Variants in MLLT3 observed in about 807,000 individuals in gnomAD.
MLLT3 encodes the protein MLLT3 super elongation complex subunit.
A neutral mutation model predicts 53.2 loss-of-function variants in MLLT3; 4 were observed. The ratio of observed to expected loss-of-function variants is 0.08; its 90% CI spans 0.04 to 0.17. MLLT3 has a LOEUF of 0.17. Ranked by LOEUF, MLLT3 falls within the 10% of genes least tolerant of loss-of-function variation. MLLT3 has a pLI of 1.00. For missense variants in MLLT3, 569 were observed against 684.0 expected, an observed-to-expected ratio of 0.83 and a Z score of 1.87; for synonymous variants, 283 against 230.6, an observed-to-expected ratio of 1.23 and a Z score of -2.06.
intron 2 of MLLT3, among the ~76,000 whole-genome samples, chr9:20,558,937 A>C (rs1819131368): frequency 6.6e-6 from 1 of 152,190 alleles, no homozygotes; most frequent in African/African-American, 2.4e-5. Flanking sequence ...TAGCTTAGTC[A>C]CAGTCCTGGT....
chr9:20,344,901 T>C lies in MLLT3; in HGVS notation c.*1542A>G, dbSNP rs193233706. On this transcript the variant is annotated 3_prime_UTR_variant, in exon 11 of 11. Coordinates refer to ENST00000380338, the MANE Select transcript of MLLT3 (RefSeq NM_004529.4). ...TGGTCTATTAGCACACATAGAGACT[T>C]TCTTAAGGCTGATCCAGTGACGAAC... The C allele has an allele frequency of 4.7e-6, 1 of 212,668 alleles. No homozygotes were observed. Among genetic ancestry groups the C allele is most frequent in the Non-Finnish European group, 9.5e-6 (1 of 105,182 alleles). 13.2% of individuals were successfully genotyped at this position (212,668 alleles called of 1,614,324 possible). A position where few individuals can be genotyped will look rare whatever the true frequency, so the allele number is the denominator to read the frequency against.
intron 2 of MLLT3, among the ~76,000 whole-genome samples, chr9:20,495,584 C>T (rs1167863530): frequency 2.0e-5 from 3 of 152,098 alleles, no homozygotes; most frequent in Non-Finnish European, 4.4e-5. Context: ...ATGCTCAGTG[C>T]CTATTAACAG....
chr9:20,602,534 T>C (rs946535253), intron 2 of MLLT3, among the ~76,000 whole-genome samples: 3 of 152,106 alleles, frequency 2.0e-5, no homozygotes, highest in African/African-American at 7.2e-5. Context: ...GATGGGCACA[T>C]AGACACACAA....
intron 2 of MLLT3, among the ~76,000 whole-genome samples, chr9:20,467,474 A>G (rs1307798399): frequency 1.3e-5 from 2 of 152,310 alleles, no homozygotes; most frequent in East Asian, 3.9e-4. Flanking sequence ...GCTACTCAGG[A>G]GGCTGACGCA....
At chr9:20,352,237 C>G (rs1821046044) in intron 10 of MLLT3, among the ~76,000 whole-genome samples, 1 of 152,192 alleles carries the variant, frequency 6.6e-6, no homozygotes, top group Non-Finnish European at 1.5e-5. Context: ...TCTGTCCCAC[C>G]CTCCTATGAG....
chr9:20,505,688 A>G (rs906041653), intron 2 of MLLT3, among the ~76,000 whole-genome samples: 1 of 152,204 alleles, frequency 6.6e-6, no homozygotes, highest in African/African-American at 2.4e-5. Context: ...GACTATCGTG[A>G]CACACATTTG....
At chr9:20,417,403 T>C (rs1822898492) in intron 4 of MLLT3, among the ~76,000 whole-genome samples, 1 of 148,214 alleles carries the variant, frequency 6.7e-6, no homozygotes, top group Non-Finnish European at 1.5e-5. Flanking sequence ...CTGATATATA[T>C]ATATAATATA....
chr9:20,449,419 T>C (rs1176953634), intron 3 of MLLT3, among the ~76,000 whole-genome samples: 1 of 152,192 alleles, frequency 6.6e-6, no homozygotes, highest in Non-Finnish European at 1.5e-5. Context: ...CTCAAGCTGT[T>C]ACTTAAGTTG....
At chr9:20,353,477 C>CA (rs1184177331) in intron 10 of MLLT3, 48 bp downstream of exon 10, 4 of 1,544,188 alleles carry the variant, frequency 2.6e-6, no homozygotes, top group Non-Finnish European at 3.6e-6. Context: ...CAGGACAAAC[C>CA]AAGTCTTGAA....
At chr9:20,358,396 G>C (rs979628608) in intron 8 of MLLT3, among the ~76,000 whole-genome samples, 1 of 152,150 alleles carries the variant, frequency 6.6e-6, no homozygotes, top group Non-Finnish European at 1.5e-5. Flanking sequence ...CAGTATTATT[G>C]GCAGACTGAT....
At chr9:20,379,380 T>G (rs1175058010) in intron 5 of MLLT3, among the ~76,000 whole-genome samples, 1 of 152,060 alleles carries the variant, frequency 6.6e-6, no homozygotes, top group Non-Finnish European at 1.5e-5. Flanking sequence ...ACACAGAATT[T>G]AGATTGTCCC....
chr9:20,531,948 G>A (rs969691856), intron 2 of MLLT3, among the ~76,000 whole-genome samples: 1 of 151,642 alleles, frequency 6.6e-6, no homozygotes, highest in African/African-American at 2.4e-5. Context: ...TTTCATTTTA[G>A]TTTAGACTAA....
At chr9:20,348,640 A>G (rs116978573) in intron 10 of MLLT3, among the ~76,000 whole-genome samples, 231 of 152,344 alleles carry the variant, frequency 1.5e-3, no homozygotes, top group Non-Finnish European at 2.6e-3. Context: ...TTAAACCACT[A>G]GACTCAAGGT....
chr9:20,447,016 G>A (rs910013607), intron 4 of MLLT3, among the ~76,000 whole-genome samples: 2 of 152,102 alleles, frequency 1.3e-5, no homozygotes, highest in South Asian at 4.1e-4. Context: ...CATAATTCAA[G>A]TAAAAGGACA....
At position 20,372,705 on chromosome 9, in the gene MLLT3, G is replaced by C. The variant is rs564918123; in HGVS notation, c.1126-6961C>G. On this transcript the variant is annotated intron_variant, in intron 5 of 10. Transcript: ENST00000380338. ...TTACAGGCATGAGCCACCACGCCTG[G>C]CCTGCATTGTCTTATTTTCAAAAAT... Among the ~76,000 whole-genome samples, 19 of 151,882 alleles carry C rather than the reference G, an allele frequency of 1.3e-4. 1 individual carries two copies. In the East Asian group the frequency reaches 3.7e-3, roughly 29 times the overall value.
At position 20,621,646 on chromosome 9, in the gene MLLT3, G is replaced by C; in HGVS notation, c.12+599C>G. On this transcript the variant is annotated intron_variant, in intron 1 of 10. Transcript: ENST00000380338. The surrounding 1 kb of genome is among the most constrained non-coding windows in gnomAD (Gnocchi z 7.0). ...ATGAAATTCAGAAAGGCAGGGCGGCGGGCGGACAGCCGCCGAGCCTCGGCT... is the reference window on the plus strand; with the variant it reads ...ATGAAATTCAGAAAGGCAGGGCGGCCGGCGGACAGCCGCCGAGCCTCGGCT... 1.1e-6 allele frequency: 1 copy of C among 895,488 alleles called. No individual in the cohort carries two copies. Among genetic ancestry groups the C allele is most frequent in the South Asian group, 1.8e-5 (1 of 54,914 alleles). The allele number at this position is 895,488 out of a possible 1,614,324, so 55.5% of individuals were successfully genotyped here.
Position 20,622,417 on chromosome 9 carries a change from T to TGCTC in MLLT3, c.-165_-162dup, listed in dbSNP as rs950713463. On this transcript the variant is annotated 5_prime_UTR_variant, in exon 1 of 11. Transcript: ENST00000380338. ...CTGCCTTTTTCCCCCCGCGCTCGCT[T>TGCTC]GCTCGCTCGCTCGCTTATTAAACTC... is the stretch of plus-strand genomic sequence containing the variant. 1.5e-4 allele frequency: 99 copies of TGCTC among 644,848 alleles called. 1 individual carries two copies. Among genetic ancestry groups the TGCTC allele is most frequent in the African/African-American group, 1.0e-3 (54 of 53,022 alleles). 39.9% of individuals were successfully genotyped at this position (644,848 alleles called of 1,614,324 possible).
intron 2 of MLLT3, among the ~76,000 whole-genome samples, chr9:20,525,421 G>C (rs868160520): frequency 6.6e-6 from 1 of 152,116 alleles, no homozygotes; most frequent in Non-Finnish European, 1.5e-5. Context: ...GCTTGAACCC[G>C]GAAGGCGGAG....
Position 20,425,330 on chromosome 9 carries a change from T to C in MLLT3, c.421-10905A>G, listed in dbSNP as rs140452841. Among the ~76,000 whole-genome samples the C allele has an allele frequency of 4.1e-3, 628 of 152,264 alleles. 4 individuals carry two copies. Among genetic ancestry groups the C allele is most frequent in the African/African-American group, 0.014 (577 of 41,566 alleles). Reference sequence around the variant, plus strand: ...GGACATTCACCTTAGAATTTAAATATAGAAACAGTTAAAGTGGTTCCTTCC... The same window carrying C: ...GGACATTCACCTTAGAATTTAAATACAGAAACAGTTAAAGTGGTTCCTTCC... On this transcript the variant is annotated intron_variant, in intron 4 of 10. Transcript: ENST00000380338.
Sources: gnomAD v4.1 joint callset for allele counts (sites outside exome capture counted in the v4.1 genomes callset) on GRCh38, gnomAD v4.1.1 for gene constraint, Gnocchi (gnomAD v3.1) non-coding constraint, MANE v1.5 for transcripts, NCBI Gene and HGNC (gene_info 2026-07-23, HGNC 2026-07-21) for gene names.